NLGN1: variants seen among roughly 807,000 people sequenced by gnomAD.
NLGN1 encodes the protein neuroligin 1, also known as neuroligin-1.
Under a neutral mutation model 65.5 loss-of-function variants are expected in NLGN1, and 12 were observed. The ratio of observed to expected loss-of-function variants is 0.18; its 90% CI spans 0.12 to 0.30. NLGN1 has a LOEUF of 0.30. NLGN1 is among the 10% of genes least tolerant of loss of function. NLGN1 has a pLI of 1.00. For synonymous variants in NLGN1, 350 were observed against 359.5 expected (o/e 0.97, Z 0.30); for missense variants, 750 against 1,007.1 (o/e 0.74, Z 3.46).
At chr3:173,709,816 A>AAAAAAAAAAAAAAAAAAAAAAAAAAAAG (rs1164372840) in intron 3 of NLGN1, among the ~76,000 whole-genome samples, 1 of 151,416 alleles carries the variant, frequency 6.6e-6, no homozygotes, top group Non-Finnish European at 1.5e-5. Context: ...AAAAAAAAAA[A>AAAAAAAAAAAAAAAAAAAAAAAAAAAAG]AAAAAAAAAA....
At chr3:173,700,324 T>C (rs1560194938) in intron 3 of NLGN1, among the ~76,000 whole-genome samples, 2 of 152,224 alleles carry the variant, frequency 1.3e-5, no homozygotes. Context: ...ATTAGTTCAT[T>C]TTAATTAAAT....
chr3:173,877,385 A>G (rs1388946797), intron 4 of NLGN1, among the ~76,000 whole-genome samples: 1 of 152,134 alleles, frequency 6.6e-6, no homozygotes. Context: ...GACATAAAGG[A>G]CAAGGACAGA....
At chr3:173,847,722 A>G (rs1320421572) in intron 4 of NLGN1, among the ~76,000 whole-genome samples, 1 of 152,154 alleles carries the variant, frequency 6.6e-6, no homozygotes, top group Non-Finnish European at 1.5e-5. Flanking sequence ...AAATACAAAA[A>G]TTAGCCAGGT....
intron 4 of NLGN1, among the ~76,000 whole-genome samples, chr3:174,157,136 G>T (rs1725586904): frequency 6.6e-6 from 1 of 151,608 alleles, no homozygotes; most frequent in African/African-American, 2.4e-5. Context: ...AGGATGTGTG[G>T]ATGTGTTGGA....
chr3:173,753,944 A>AATATAATATAATATAAT (rs1553836500), intron 3 of NLGN1, among the ~76,000 whole-genome samples: 3 of 116,692 alleles, frequency 2.6e-5, no homozygotes, highest in Non-Finnish European at 5.8e-5. Context: ...ATAATATAAT[A>AATATAATATAATATAAT]ATAATATAAT....
At chr3:174,175,751 TAGACTC>T (rs1439731040) in intron 4 of NLGN1, among the ~76,000 whole-genome samples, 1 of 151,886 alleles carries the variant, frequency 6.6e-6, no homozygotes, top group African/African-American at 2.4e-5. Context: ...TGAGGAAAAT[TAGACTC>T]AGAGGAGATT....
At chr3:173,698,062 T>A (rs1031774798) in intron 3 of NLGN1, among the ~76,000 whole-genome samples, 1 of 151,974 alleles carries the variant, frequency 6.6e-6, no homozygotes, top group Admixed American at 6.6e-5. Flanking sequence ...CTTATTTATA[T>A]ATGCTTTATT....
At chr3:173,886,960 T>C (rs928391039) in intron 4 of NLGN1, among the ~76,000 whole-genome samples, 2 of 152,106 alleles carry the variant, frequency 1.3e-5, no homozygotes, top group African/African-American at 4.8e-5. Flanking sequence ...TGATTAGATT[T>C]CATAATTTAT....
Position 174,080,985 on chromosome 3 carries a change from G to C in NLGN1, c.647-194330G>C, listed in dbSNP as rs1243069958. Among the ~76,000 whole-genome samples, 5 of 149,228 alleles carry C rather than the reference G, an allele frequency of 3.4e-5. No homozygotes were observed. In the East Asian group the frequency reaches 8.0e-4, roughly 24 times the overall value. ...GATAGGGGAAGCGCTCTCCTGCCCT[G>C]CTCATACCTGACTAGCTACCTACTG... On this transcript the variant is annotated intron_variant, in intron 4 of 6. Transcript: ENST00000457714.
intron 4 of NLGN1, among the ~76,000 whole-genome samples, chr3:173,902,519 T>A (rs1297174883): frequency 2.0e-5 from 3 of 152,118 alleles, no homozygotes; most frequent in Non-Finnish European, 2.9e-5. Context: ...CTCTCCACAA[T>A]ATGGAATAAT....
intron 3 of NLGN1, among the ~76,000 whole-genome samples, chr3:173,704,179 G>A (rs551017042): frequency 1.8e-4 from 27 of 152,294 alleles, no homozygotes; most frequent in African/African-American, 5.8e-4. Flanking sequence ...GCATAAACTG[G>A]GAAGACAAAG....
At chr3:173,408,204 A>G (rs1022753481) in intron 1 of NLGN1, among the ~76,000 whole-genome samples, 3 of 152,052 alleles carry the variant, frequency 2.0e-5, no homozygotes, top group Non-Finnish European at 4.4e-5. Context: ...GCCTCACACA[A>G]TATGTCTTCT....
chr3:173,928,700 GTC>G (rs1743484570), intron 4 of NLGN1, among the ~76,000 whole-genome samples: 2 of 141,760 alleles, frequency 1.4e-5, no homozygotes, highest in Admixed American at 7.1e-5. Flanking sequence ...TTGAGATAGA[GTC>G]TCTCTGTTGC....
intron 2 of NLGN1, among the ~76,000 whole-genome samples, chr3:173,546,556 A>G (rs781776037): frequency 5.9e-5 from 9 of 152,180 alleles, no homozygotes; most frequent in Non-Finnish European, 8.8e-5. Flanking sequence ...TAGGAGTAAC[A>G]AAAAAGAAAA....
At chr3:173,636,630 G>A (rs1756640024) in intron 3 of NLGN1, among the ~76,000 whole-genome samples, 1 of 151,882 alleles carries the variant, frequency 6.6e-6, no homozygotes, top group African/African-American at 2.4e-5. Flanking sequence ...TTGAGTTCAT[G>A]GTTTGGAATT....
At chr3:174,028,156 C>T (rs1397048298) in intron 4 of NLGN1, among the ~76,000 whole-genome samples, 2 of 152,104 alleles carry the variant, frequency 1.3e-5, no homozygotes, top group Non-Finnish European at 2.9e-5. Flanking sequence ...CAGACTAATA[C>T]AGTAAATTGG....
intron 3 of NLGN1, among the ~76,000 whole-genome samples, chr3:173,632,747 A>G (rs138027804): frequency 1.3e-5 from 2 of 152,162 alleles, no homozygotes; most frequent in African/African-American, 4.8e-5. Context: ...ATTTAGAGCC[A>G]AGGAAAGCAG....
At chr3:174,272,263 T>C (rs1749542407) in intron 4 of NLGN1, among the ~76,000 whole-genome samples, 1 of 151,712 alleles carries the variant, frequency 6.6e-6, no homozygotes, top group South Asian at 2.1e-4. Context: ...GCTAGGGTGA[T>C]CTGAAATGGT....
At chr3:173,529,144 T>C (rs553515661) in intron 2 of NLGN1, among the ~76,000 whole-genome samples, 2 of 152,250 alleles carry the variant, frequency 1.3e-5, no homozygotes, top group South Asian at 4.2e-4. Context: ...CACCCCACCT[T>C]GAGGATGTGA....
Sources: allele counts gnomAD v4.1 joint callset (sites outside exome capture counted in the v4.1 genomes callset), GRCh38; gene constraint gnomAD v4.1.1; transcripts MANE v1.5; gene names NCBI Gene and HGNC (gene_info 2026-07-23, HGNC 2026-07-21).